Variants in KCNH7 observed in about 807,000 individuals in gnomAD.
The protein encoded by KCNH7 is voltage-gated inwardly rectifying potassium channel KCNH7.
Under a neutral mutation model 120.8 loss-of-function variants are expected in KCNH7, and 49 were observed. The observed-to-expected ratio is 0.41, with a 90% CI of 0.32 to 0.51. The LOEUF (loss-of-function observed/expected upper bound fraction) is 0.51. Ranked by LOEUF, KCNH7 falls within the 20% of genes least tolerant of loss-of-function variation. KCNH7 has a pLI of 0.38. For missense variants in KCNH7, 1,097 were observed against 1,446.6 expected (o/e 0.76, Z 3.92); for synonymous variants, 547 against 516.1 (o/e 1.06, Z -0.81).
At chr2:162,555,568 G>A (rs1171996492) in intron 2 of KCNH7, among the ~76,000 whole-genome samples, 1 of 152,048 alleles carries the variant, frequency 6.6e-6, no homozygotes, top group African/African-American at 2.4e-5. Context: ...TTTTTAATTA[G>A]AATTTTACCT....
intron 2 of KCNH7, among the ~76,000 whole-genome samples, chr2:162,563,648 C>T (rs1329899683): frequency 1.3e-5 from 2 of 152,084 alleles, no homozygotes; most frequent in African/African-American, 4.8e-5. Context: ...AAACTGAGCT[C>T]AAAATTTACA....
rs956447755 is a variant in KCNH7 at position 162,481,417 on chromosome 2, G to A, written c.1128+23026C>T. Among the ~76,000 whole-genome samples the A allele has an allele frequency of 3.3e-5, 5 of 152,146 alleles. No individual in the cohort carries two copies. The East Asian group carries it at 5.8e-4, about 18-fold the overall frequency. Reference sequence around the variant, plus strand: ...GTCAAGAACATTGTCAGTATTAAATGATAGGGGTGGAAATTTGAATACAAA... The same window carrying A: ...GTCAAGAACATTGTCAGTATTAAATAATAGGGGTGGAAATTTGAATACAAA... On this transcript the variant is annotated intron_variant, in intron 6 of 15. Transcript: ENST00000332142.
At chr2:162,420,318 G>A (rs905659664) in intron 9 of KCNH7, among the ~76,000 whole-genome samples, 1 of 152,180 alleles carries the variant, frequency 6.6e-6, no homozygotes, top group Non-Finnish European at 1.5e-5. Context: ...GGAGGTTGCA[G>A]TGAGCCTAGA....
intron 12 of KCNH7, among the ~76,000 whole-genome samples, chr2:162,393,475 A>C (rs1686804290): frequency 6.6e-6 from 1 of 151,982 alleles, no homozygotes; most frequent in Non-Finnish European, 1.5e-5. Flanking sequence ...AAAACTCTTA[A>C]CAAATTGACA....
chr2:162,757,303 AAAGGCTCCCAGAC>A lies in KCNH7; in HGVS notation c.307+79221_307+79233del, dbSNP rs1337705145. 2.1e-4 allele frequency among the ~76,000 whole-genome samples: 32 copies of A among 152,262 alleles called. No individual in the cohort carries two copies. In the East Asian group the frequency reaches 6.0e-3, roughly 29 times the overall value. ...TGATTGAAATAGTATCATTTGGAAGAAAGGCTCCCAGACAAATCTCCCAACATGTATTGAAAAA... is the reference window on the plus strand; with the variant it reads ...TGATTGAAATAGTATCATTTGGAAGAAAATCTCCCAACATGTATTGAAAAA... On this transcript the variant is annotated intron_variant, in intron 2 of 15. Coordinates refer to ENST00000332142, the MANE Select transcript of KCNH7 (RefSeq NM_033272.4).
intron 2 of KCNH7, among the ~76,000 whole-genome samples, chr2:162,775,729 T>C (rs893319969): frequency 6.6e-5 from 10 of 152,174 alleles, no homozygotes; most frequent in African/African-American, 2.4e-4. Flanking sequence ...ACAATTTCAT[T>C]TTCTTGTTTT....
At chr2:162,612,228 G>C (rs981489629) in intron 2 of KCNH7, among the ~76,000 whole-genome samples, 7 of 152,136 alleles carry the variant, frequency 4.6e-5, no homozygotes, top group Non-Finnish European at 8.8e-5. Flanking sequence ...TGGCACCTTT[G>C]CAAGAGTTTG....
At chr2:162,536,847 T>A in intron 3 of KCNH7, 78 bp downstream of exon 3, 2 of 1,233,468 alleles carry the variant, frequency 1.6e-6, no homozygotes, top group Non-Finnish European at 2.3e-6. Context: ...GAGAACTGAA[T>A]TGAAATGAAG....
chr2:162,555,771 G>A (rs1692833529), intron 2 of KCNH7, among the ~76,000 whole-genome samples: 3 of 151,920 alleles, frequency 2.0e-5, no homozygotes, highest in Non-Finnish European at 4.4e-5. Flanking sequence ...CAGCCTTTTA[G>A]TGTCTATAAA....
At chr2:162,638,110 T>TCTGGAGGTACAAGGTGATCTGG (rs1684025897) in intron 2 of KCNH7, among the ~76,000 whole-genome samples, 1 of 152,070 alleles carries the variant, frequency 6.6e-6, no homozygotes, top group African/African-American at 2.4e-5. Flanking sequence ...ATTGAGGTGA[T>TCTGGAGGTACAAGGTGATCTGG]AGTTGCAACG....
At chr2:162,735,152 A>G (rs2105398739) in intron 2 of KCNH7, among the ~76,000 whole-genome samples, 1 of 152,320 alleles carries the variant, frequency 6.6e-6, no homozygotes, top group East Asian at 1.9e-4. Context: ...GAGAATTATA[A>G]GTAATGAGAG....
intron 14 of KCNH7, among the ~76,000 whole-genome samples, chr2:162,379,018 G>A (rs189614246): frequency 1.6e-4 from 25 of 152,306 alleles, no homozygotes; most frequent in African/African-American, 5.5e-4. Context: ...ATGCTTGTGC[G>A]TGTTCGAAAT....
At chr2:162,564,655 C>G (rs1456273875) in intron 2 of KCNH7, among the ~76,000 whole-genome samples, 1 of 152,050 alleles carries the variant, frequency 6.6e-6, no homozygotes, top group East Asian at 1.9e-4. Flanking sequence ...TGACCTTGAC[C>G]ACTAATTCTT....
rs894023630 is a variant in KCNH7 at position 162,722,813 on chromosome 2, C to CTTTTTTTTTTTTTTTTTTTTTTTTTT, written c.307+113723_307+113724insAAAAAAAAAAAAAAAAAAAAAAAAAA. Among the ~76,000 whole-genome samples, 36 of 85,100 alleles carry CTTTTTTTTTTTTTTTTTTTTTTTTTT rather than the reference C, an allele frequency of 4.2e-4. 2 individuals carry two copies. The highest frequency in any genetic ancestry group is 1.4e-3 in the African/African-American group (23 of 16,542). 55.8% of individuals were successfully genotyped at this position (85,100 alleles called of 152,430 possible). A position where few individuals can be genotyped will look rare whatever the true frequency, so the allele number is the denominator to read the frequency against. ...AATCCTTTTCATTCATTCTTTTTTT[C>CTTTTTTTTTTTTTTTTTTTTTTTTTT]TTTTTTTTTTTTTTTTTTGCTTCTC... On this transcript the variant is annotated intron_variant, in intron 2 of 15. Transcript: ENST00000332142.
intron 5 of KCNH7, among the ~76,000 whole-genome samples, chr2:162,507,042 T>C (rs751763370): frequency 3.3e-5 from 5 of 151,864 alleles, no homozygotes; most frequent in Non-Finnish European, 7.4e-5. Flanking sequence ...TTTTACATGA[T>C]TTTAATATAA....
At chr2:162,444,076 C>A (rs1240474577) in intron 7 of KCNH7, among the ~76,000 whole-genome samples, 1 of 152,154 alleles carries the variant, frequency 6.6e-6, no homozygotes, top group Non-Finnish European at 1.5e-5. Flanking sequence ...GCCATCCATC[C>A]AGGTCATTCT....
intron 3 of KCNH7, among the ~76,000 whole-genome samples, chr2:162,524,820 T>A (rs959360580): frequency 2.2e-4 from 34 of 151,954 alleles, no homozygotes. Flanking sequence ...TGCAAGGACA[T>A]GAGTCTCTCC....
chr2:162,676,194 C>T (rs571104135), intron 2 of KCNH7, among the ~76,000 whole-genome samples: 1 of 151,580 alleles, frequency 6.6e-6, no homozygotes, highest in African/African-American at 2.4e-5. Context: ...TAAAAGGCTA[C>T]CTTCCATGCA....
At chr2:162,493,483 T>C (rs968778094) in intron 6 of KCNH7, among the ~76,000 whole-genome samples, 2 of 152,252 alleles carry the variant, frequency 1.3e-5, no homozygotes, top group Non-Finnish European at 2.9e-5. Flanking sequence ...GTCTAAAGTA[T>C]GCAGGTCAGA....
Sources: allele counts gnomAD v4.1 joint callset (sites outside exome capture counted in the v4.1 genomes callset), GRCh38; gene constraint gnomAD v4.1.1; transcripts MANE v1.5; gene names NCBI Gene and HGNC (gene_info 2026-07-23, HGNC 2026-07-21).